Variants in LATS2 observed in about 807,000 individuals in gnomAD.
LATS2 encodes serine/threonine-protein kinase LATS2.
A neutral mutation model predicts 76.0 loss-of-function variants in LATS2; 24 were observed. That is an observed-to-expected ratio of 0.32 (90% CI 0.23 to 0.44). The LOEUF is 0.44. LATS2 is among the 20% of genes least tolerant of loss of function. LATS2 has a pLI of 1.00. For synonymous variants in LATS2, 692 were observed against 635.4 expected (o/e 1.09, Z -1.34); for missense variants, 1,286 against 1,481.2 (o/e 0.87, Z 2.16).
intron 7 of LATS2, among the ~76,000 whole-genome samples, chr13:20,978,161 C>T (rs1328721419): frequency 1.3e-5 from 2 of 152,042 alleles, no homozygotes; most frequent in African/African-American, 2.4e-5. Flanking sequence ...GTAATCTGCC[C>T]GCCTCCGCCT....
At chr13:20,997,020 G>A (rs1345644606) in intron 2 of LATS2, among the ~76,000 whole-genome samples, 2 of 152,168 alleles carry the variant, frequency 1.3e-5, no homozygotes, top group Non-Finnish European at 1.5e-5. Flanking sequence ...GCACTGCAGT[G>A]GGCTAGTCTC....
At chr13:21,024,118 A>G (rs896249179) in intron 2 of LATS2, among the ~76,000 whole-genome samples, 2 of 151,206 alleles carry the variant, frequency 1.3e-5, no homozygotes, top group Non-Finnish European at 2.9e-5. Flanking sequence ...AAAAAAAAGA[A>G]AAAGAAAAAA....
At chr13:21,039,511 G>A (rs1311006473) in intron 2 of LATS2, among the ~76,000 whole-genome samples, 3 of 152,076 alleles carry the variant, frequency 2.0e-5, no homozygotes, top group Admixed American at 6.6e-5. Flanking sequence ...TAAATATCCC[G>A]AGGAGATCTG....
intron 1 of LATS2, among the ~76,000 whole-genome samples, chr13:21,051,148 A>C (rs73445512): frequency 1.3e-5 from 2 of 152,186 alleles, no homozygotes; most frequent in African/African-American, 4.8e-5. Flanking sequence ...GTCTCCAAGC[A>C]GACTGCACAT....
intron 4 of LATS2, among the ~76,000 whole-genome samples, chr13:20,987,112 T>C (rs1204697125): frequency 6.6e-6 from 1 of 152,144 alleles, no homozygotes; most frequent in Non-Finnish European, 1.5e-5. Flanking sequence ...GGAGAATCGC[T>C]TGAACCCAGG....
intron 2 of LATS2, among the ~76,000 whole-genome samples, chr13:21,003,284 T>C (rs1871124240): frequency 6.6e-6 from 1 of 152,084 alleles, no homozygotes; most frequent in South Asian, 2.1e-4. Flanking sequence ...TCTTGCTCTA[T>C]CGCTCAGAGT....
chr13:21,021,461 T>G (rs1872057191), intron 2 of LATS2, among the ~76,000 whole-genome samples: 2 of 107,022 alleles, frequency 1.9e-5, no homozygotes, highest in African/African-American at 3.7e-5. Context: ...GGCAGCAGAG[T>G]GAGACTCTGT....
intron 2 of LATS2, among the ~76,000 whole-genome samples, chr13:21,022,422 G>T (rs61950276): frequency 0.021 from 3,225 of 152,200 alleles, 45 homozygotes; most frequent in Middle Eastern, 0.058. Context: ...ACCCCCACTA[G>T]CCCCGAAAGC....
At chr13:20,990,857 A>G (rs1206846400) in intron 3 of LATS2, among the ~76,000 whole-genome samples, 1 of 152,168 alleles carries the variant, frequency 6.6e-6, no homozygotes, top group Non-Finnish European at 1.5e-5. Context: ...AGAAGCTACG[A>G]TGTGAGAGAG....
intron 2 of LATS2, among the ~76,000 whole-genome samples, chr13:21,007,797 G>C (rs1439042781): frequency 9.9e-6 from 1 of 100,528 alleles, no homozygotes; most frequent in African/African-American, 3.8e-5. Context: ...CTTGCTCTGT[G>C]GCCCCAGGCT....
Position 20,988,364 on chromosome 13 carries a change from G to GGCGGGGGCGGGGGCGGGA in LATS2, c.1415_1416insTCCCGCCCCCGCCCCCGC (p.Pro475_Ala480dup). On this transcript the variant is annotated inframe_insertion, in exon 4 of 8. Coordinates refer to ENST00000382592, the MANE Select transcript of LATS2 (RefSeq NM_014572.3). ...CAGCCGGGGCGGGGGCGGGGGCGGG[G>GGCGGGGGCGGGGGCGGGA]GCCGGGGCAGGCGCGGGCACCCAGG... The GGCGGGGGCGGGGGCGGGA allele has an allele frequency of 7.3e-7, 1 of 1,369,932 alleles. No homozygotes were observed. Among genetic ancestry groups the GGCGGGGGCGGGGGCGGGA allele is most frequent in the Non-Finnish European group, 9.3e-7 (1 of 1,071,278 alleles). 84.9% of individuals were successfully genotyped at this position (1,369,932 alleles called of 1,614,324 possible). A position where few individuals can be genotyped will look rare whatever the true frequency, so the allele number is the denominator to read the frequency against.
chr13:21,028,106 AGT>A (rs996155984), intron 2 of LATS2, among the ~76,000 whole-genome samples: 51 of 151,794 alleles, frequency 3.4e-4, no homozygotes, highest in Non-Finnish European at 1.3e-4. Flanking sequence ...CAGTCCCCAG[AGT>A]GTGATGTTCT....
chr13:20,981,982 C>T lies in LATS2; in HGVS notation c.2483-334G>A, dbSNP rs1426099609. Among the ~76,000 whole-genome samples, 6 of 152,126 alleles carry T rather than the reference C, an allele frequency of 3.9e-5. No homozygotes were observed. The East Asian group carries it at 5.8e-4, about 15-fold the overall frequency. On this transcript the variant is annotated intron_variant, in intron 5 of 7. Coordinates refer to ENST00000382592, the MANE Select transcript of LATS2 (RefSeq NM_014572.3). The stretch of plus-strand genomic sequence containing the variant: ...GGGGACAGCACTCCTAGCGCTTAGG[C>T]CATAATCAAAAGGTAACAACTGCCT...
rs569086532 is a variant in LATS2 at position 21,027,793 on chromosome 13, AAAAT to A, written c.342+17888_342+17891del. Among the ~76,000 whole-genome samples, 429 of 152,312 alleles carry A rather than the reference AAAAT, an allele frequency of 2.8e-3. 1 individual carries two copies. Among genetic ancestry groups the A allele is most frequent in the Non-Finnish European group, 5.2e-3 (351 of 68,028 alleles). ...ATCAGCTTGTCAATTTCAATTAAAA[AAAAT>A]AAATAAACCTGCTGAGATTGTATTT... On this transcript the variant is annotated intron_variant, in intron 2 of 7. Transcript: ENST00000382592.
At chr13:20,992,529 CAG>C (rs555305837) in intron 2 of LATS2, among the ~76,000 whole-genome samples, 410 of 152,194 alleles carry the variant, frequency 2.7e-3, no homozygotes, top group Non-Finnish European at 4.5e-3. Context: ...TGTAGGCAAA[CAG>C]GGAGGGTGAG....
Position 21,012,739 on chromosome 13 carries a change from C to A in LATS2, c.343-21335G>T, listed in dbSNP as rs141971390. Among the ~76,000 whole-genome samples, 690 of 152,088 alleles carry A rather than the reference C, an allele frequency of 4.5e-3. 5 individuals carry two copies. The highest frequency in any genetic ancestry group is 0.016 in the African/African-American group (661 of 41,490). ...GAAGATGGAATGAACAGCGCTAGCACAGGGCGGGAGCTGTGCGAGAAGCTG... is the reference window on the plus strand; with the variant it reads ...GAAGATGGAATGAACAGCGCTAGCAAAGGGCGGGAGCTGTGCGAGAAGCTG... On this transcript the variant is annotated intron_variant, in intron 2 of 7. Transcript: ENST00000382592.
intron 2 of LATS2, among the ~76,000 whole-genome samples, chr13:21,037,822 G>A (rs1246499629): frequency 6.6e-6 from 1 of 152,072 alleles, no homozygotes; most frequent in Admixed American, 6.5e-5. Flanking sequence ...GTCAGGACCA[G>A]GGCGGGTAGG....
intron 4 of LATS2, 113 bp downstream of exon 4, chr13:20,987,768 C>T: frequency 1.6e-6 from 2 of 1,245,456 alleles, no homozygotes; most frequent in Non-Finnish European, 2.2e-6. Flanking sequence ...GCCCATTAGC[C>T]GTTTTGATGA....
In LATS2 at chr13:20,989,191, C is replaced by G; in HGVS notation, c.589G>C (p.Gly197Arg). The G allele has an allele frequency of 1.9e-6, 3 of 1,613,596 alleles. No homozygotes were observed. The highest frequency in any genetic ancestry group is 1.7e-4 in the Middle Eastern group (1 of 6,060). ...SGTPYEGPSF[G>R]ADGPTALEEM... ...TCCAGCGCCGTGGGGCCGTCAGCGC[C>G]GAAGCTTGGGCCCTCGTAGGGGGTA... The change falls in exon 4 of 8, where the codon GGC (glycine) becomes CGC (arginine). Residue 197 changes from glycine (G) to arginine (R), a missense_variant. By Grantham distance (125) the Gly-to-Arg change is moderately radical. This residue lies in a region of LATS2 where 710 missense variants were observed against 660.9 expected (regional missense o/e 1.07). Coordinates refer to ENST00000382592, the MANE Select transcript of LATS2 (RefSeq NM_014572.3).
Sources: gnomAD v4.1 joint callset for allele counts (sites outside exome capture counted in the v4.1 genomes callset) on GRCh38, gnomAD v4.1.1 for gene constraint, gnomAD v4.1.1 regional missense constraint, MANE v1.5 for transcripts, NCBI Gene and HGNC (gene_info 2026-07-23, HGNC 2026-07-21) for gene names.